Variants in RHOBTB3 observed in about 807,000 individuals in gnomAD.
The protein encoded by RHOBTB3 is rho-related BTB domain-containing protein 3.
In RHOBTB3, 47 loss-of-function variants were observed where a neutral mutation model predicts 67.2. The observed-to-expected ratio is 0.70, with a 90% CI of 0.55 to 0.89. RHOBTB3 has a LOEUF of 0.89. RHOBTB3 is among the 40% of genes least tolerant of loss of function. The pLI is 0.00. For missense variants in RHOBTB3, 631 were observed against 750.0 expected, an observed-to-expected ratio of 0.84 and a Z score of 1.85; for synonymous variants, 273 against 274.2, an observed-to-expected ratio of 1.00 and a Z score of 0.04.
chr5:95,744,254 C>T (rs1171344751), intron 3 of RHOBTB3, among the ~76,000 whole-genome samples: 4 of 152,198 alleles, frequency 2.6e-5, no homozygotes, highest in Admixed American at 2.0e-4. Context: ...CCCCTCTACA[C>T]AGCCCCTATC....
intron 1 of RHOBTB3, among the ~76,000 whole-genome samples, chr5:95,724,109 T>C (rs430575): frequency 0.41 from 62,817 of 151,984 alleles, 13,453 homozygotes; most frequent in East Asian, 0.73. Context: ...AGAAGGATAA[T>C]TGAATATGTC....
At chr5:95,723,082 A>G (rs1262409563) in intron 1 of RHOBTB3, among the ~76,000 whole-genome samples, 1 of 152,218 alleles carries the variant, frequency 6.6e-6, no homozygotes, top group Non-Finnish European at 1.5e-5. Context: ...TCACATGTAC[A>G]TAACATTCTA....
chr5:95,753,024 C>T (rs1026435669), intron 5 of RHOBTB3, among the ~76,000 whole-genome samples: 3 of 151,816 alleles, frequency 2.0e-5, no homozygotes, highest in African/African-American at 4.8e-5. Flanking sequence ...CCCAGCTACT[C>T]GGGAGGCTGA....
upstream of RHOBTB3, chr5:95,731,013 C>A: frequency 2.5e-6 from 2 of 798,070 alleles, no homozygotes; most frequent in Non-Finnish European, 3.6e-6. Context: ...GAGCGGGGGC[C>A]CCATCGCCCC....
At chr5:95,739,319 C>T (rs1167042207) in intron 3 of RHOBTB3, among the ~76,000 whole-genome samples, 4 of 152,116 alleles carry the variant, frequency 2.6e-5, no homozygotes, top group Non-Finnish European at 4.4e-5. Context: ...CATTGGATTT[C>T]GCATTCTAGT....
intron 1 of RHOBTB3, among the ~76,000 whole-genome samples, chr5:95,719,321 A>G (rs6892832): frequency 0.038 from 5,709 of 152,030 alleles, 344 homozygotes; most frequent in African/African-American, 0.13. Context: ...TAATTAACTG[A>G]CTCTCCCTCT....
chr5:95,778,037 T>A (rs943186201), intron 8 of RHOBTB3, among the ~76,000 whole-genome samples: 4 of 151,968 alleles, frequency 2.6e-5, no homozygotes, highest in African/African-American at 9.7e-5. Flanking sequence ...CGAGAATCAT[T>A]TGAACCTGGG....
intron 2 of RHOBTB3, 94 bp downstream of exon 2, chr5:95,732,178 A>G: frequency 8.7e-7 from 1 of 1,151,842 alleles, no homozygotes; most frequent in East Asian, 2.5e-5. Context: ...GTGAGTGTGG[A>G]GTGTCCGCGT....
intron 3 of RHOBTB3, among the ~76,000 whole-genome samples, chr5:95,738,435 A>T (rs768665834): frequency 3.9e-5 from 6 of 152,146 alleles, no homozygotes; most frequent in Admixed American, 2.0e-4. Context: ...AGTTCATGTG[A>T]TGGCACAGTG....
upstream of RHOBTB3, among the ~76,000 whole-genome samples, chr5:95,728,123 C>T (rs144477894): frequency 2.0e-5 from 3 of 152,290 alleles, no homozygotes; most frequent in Admixed American, 6.5e-5. Flanking sequence ...AGTTGAGAAA[C>T]GTCATTTAGC....
chr5:95,764,397 T>G (rs1745483858), intron 7 of RHOBTB3, among the ~76,000 whole-genome samples: 1 of 152,236 alleles, frequency 6.6e-6, no homozygotes, highest in Admixed American at 6.5e-5. Flanking sequence ...AGGTGGACAG[T>G]TAAGGATGAT....
At chr5:95,723,766 G>A (rs1754967334) in intron 1 of RHOBTB3, among the ~76,000 whole-genome samples, 1 of 152,072 alleles carries the variant, frequency 6.6e-6, no homozygotes, top group South Asian at 2.1e-4. Context: ...GCCAGCCCCA[G>A]TGCTGTGTTC....
intron 6 of RHOBTB3, among the ~76,000 whole-genome samples, chr5:95,759,635 T>C (rs1745341411): frequency 6.6e-6 from 1 of 152,270 alleles, no homozygotes; most frequent in South Asian, 2.1e-4. Context: ...ACAAAAATTT[T>C]AAACCTACGT....
rs778217426 is a variant in RHOBTB3, at chr5:95,755,781, T to C, written c.1048+20T>C. Reference sequence around the variant, plus strand: ...ATTCAGGTATCTTGTCAAGTGGTTCTGGTTACTTACAATCTCATAAGCTTT... The same window carrying C: ...ATTCAGGTATCTTGTCAAGTGGTTCCGGTTACTTACAATCTCATAAGCTTT... On this transcript the variant is annotated intron_variant, in intron 6 of 11. Transcript: ENST00000379982. 29 of 1,611,136 alleles carry C rather than the reference T, an allele frequency of 1.8e-5. No homozygotes were observed. In the South Asian group the frequency reaches 3.2e-4, roughly 18 times the overall value.
intron 8 of RHOBTB3, among the ~76,000 whole-genome samples, chr5:95,779,374 T>C (rs1745983328): frequency 6.6e-6 from 1 of 152,182 alleles, no homozygotes; most frequent in African/African-American, 2.4e-5. Flanking sequence ...TTCTCGGTAA[T>C]AATCTGTTGA....
intron 9 of RHOBTB3, among the ~76,000 whole-genome samples, chr5:95,782,992 T>C (rs1351126764): frequency 1.3e-5 from 2 of 151,872 alleles, no homozygotes; most frequent in Non-Finnish European, 2.9e-5. Flanking sequence ...GGAATTAATT[T>C]TTAAGGGCAA....
chr5:95,748,035 C>T (rs559861646), intron 3 of RHOBTB3, among the ~76,000 whole-genome samples: 33 of 152,316 alleles, frequency 2.2e-4, no homozygotes, highest in African/African-American at 7.7e-4. Flanking sequence ...TTCAGGATGT[C>T]AAGGTTGTGT....
chr5:95,738,843 GAGAT>G (rs1036676643), intron 3 of RHOBTB3, among the ~76,000 whole-genome samples: 8 of 152,056 alleles, frequency 5.3e-5, no homozygotes, highest in Non-Finnish European at 1.2e-4. Context: ...GAAGAGATAA[GAGAT>G]AATAATACTT....
upstream of RHOBTB3, among the ~76,000 whole-genome samples, chr5:95,728,815 G>T (rs1755132313): frequency 6.6e-6 from 1 of 152,156 alleles, no homozygotes. Context: ...AGACCTTGCT[G>T]ATAAAACAGA....
Sources: gnomAD v4.1 joint callset for allele counts (sites outside exome capture counted in the v4.1 genomes callset) on GRCh38, gnomAD v4.1.1 for gene constraint, MANE v1.5 for transcripts, NCBI Gene and HGNC (gene_info 2026-07-23, HGNC 2026-07-21) for gene names.